Variants in TUBGCP5 observed in about 807,000 individuals in gnomAD.
TUBGCP5 encodes tubulin gamma complex component 5.
Under a neutral mutation model 134.7 loss-of-function variants are expected in TUBGCP5, and 98 were observed. The observed-to-expected ratio is 0.73, with a 90% CI of 0.62 to 0.86. The LOEUF is 0.86. Ranked by LOEUF, TUBGCP5 falls within the 40% of genes least tolerant of loss-of-function variation. TUBGCP5 has a pLI of 0.00. For missense variants in TUBGCP5, 1,150 were observed against 1,244.8 expected, an observed-to-expected ratio of 0.92 and a Z score of 1.15; for synonymous variants, 456 against 431.4, an observed-to-expected ratio of 1.06 and a Z score of -0.71.
chr15:22,990,400 A>G (rs1466735039), intron 23 of TUBGCP5, among the ~76,000 whole-genome samples: 1 of 152,222 alleles, frequency 6.6e-6, no homozygotes, highest in Non-Finnish European at 1.5e-5. Context: ...GCTGGAGCCA[A>G]GAACTGGTCA....
intron 23 of TUBGCP5, among the ~76,000 whole-genome samples, chr15:22,987,858 C>T (rs1474173965): frequency 1.5e-5 from 2 of 134,990 alleles, no homozygotes; most frequent in South Asian, 2.5e-4. Context: ...ATTGCGCCAC[C>T]ACACTCCAGC....
chr15:23,027,162 T>A, intron 7 of TUBGCP5, 30 bp downstream of exon 7: 1 of 1,514,260 alleles, frequency 6.6e-7, no homozygotes, highest in Non-Finnish European at 9.1e-7. Flanking sequence ...TCTTCTATCA[T>A]CACATTAAAT....
chr15:23,004,793 C>A (rs2064607395), intron 19 of TUBGCP5, among the ~76,000 whole-genome samples: 1 of 152,130 alleles, frequency 6.6e-6, no homozygotes, highest in Admixed American at 6.5e-5. Context: ...ATAGCCTTCC[C>A]ATCCAAAACA....
Position 22,999,803 on chromosome 15 carries a change from T to A in TUBGCP5, c.*17A>T, listed in dbSNP as rs746032535. On this transcript the variant is annotated 3_prime_UTR_variant, in exon 23 of 23. Transcript: ENST00000615383. ...GTATGATGACAAAGTCGGAGATATTTATTACGCTGAAGACATTTAACTTTG... is the reference window on the plus strand; with the variant it reads ...GTATGATGACAAAGTCGGAGATATTAATTACGCTGAAGACATTTAACTTTG... 2 of 1,612,080 alleles carry A rather than the reference T, an allele frequency of 1.2e-6. No individual in the cohort carries two copies. Among genetic ancestry groups the A allele is most frequent in the South Asian group, 2.2e-5 (2 of 91,056 alleles).
intron 20 of TUBGCP5, 31 bp downstream of exon 20, chr15:23,004,071 T>C (rs1052856731): frequency 6.9e-6 from 11 of 1,585,840 alleles, no homozygotes; most frequent in East Asian, 4.5e-5. Context: ...CGCCCAGCAG[T>C]GGCCACATCT....
At chr15:23,000,706 T>C (rs1332861353) in intron 21 of TUBGCP5, 37 bp from the exon 22 acceptor site, 4 of 1,525,002 alleles carry the variant, frequency 2.6e-6, no homozygotes, top group East Asian at 2.3e-5. Context: ...AGTAAGTGCA[T>C]TGCGGGTATA....
intron 13 of TUBGCP5, among the ~76,000 whole-genome samples, chr15:23,014,688 C>G (rs1316619954): frequency 6.6e-6 from 1 of 152,086 alleles, no homozygotes; most frequent in Admixed American, 6.5e-5. Flanking sequence ...AGACATGCAC[C>G]CAGGCTAGCA....
At position 23,022,138 on chromosome 15, in the gene TUBGCP5, C is replaced by A; in HGVS notation, c.1192G>T (p.Val398Leu). ...NNDTTITLAIVVDKLAPRLSQ... is the reference protein window; with the variant it reads ...NNDTTITLAILVDKLAPRLSQ... Reference sequence around the variant, plus strand: ...AATCGAGGTGCCAACTTGTCCACCACTATTGCAAGAGTTATTGTAGTATCT... The same window carrying A: ...AATCGAGGTGCCAACTTGTCCACCAATATTGCAAGAGTTATTGTAGTATCT... The change falls in exon 11 of 23, where the codon GTG (valine) becomes TTG (leucine). Residue 398 changes from valine (V) to leucine (L), a missense_variant. By Grantham distance (32) the Val-to-Leu change is conservative (BLOSUM62 1). Coordinates refer to ENST00000615383, the MANE Select transcript of TUBGCP5 (RefSeq NM_052903.6). 1 of 1,614,174 alleles carries A rather than the reference C, an allele frequency of 6.2e-7. No individual in the cohort carries two copies. Among genetic ancestry groups the A allele is most frequent in the Non-Finnish European group, 8.5e-7 (1 of 1,180,008 alleles).
intron 12 of TUBGCP5, among the ~76,000 whole-genome samples, chr15:23,018,514 G>C (rs534503829): frequency 6.6e-6 from 1 of 152,290 alleles, no homozygotes; most frequent in East Asian, 1.9e-4. Context: ...TGACAGATAT[G>C]AGATTGAGTT....
downstream of TUBGCP5, among the ~76,000 whole-genome samples, chr15:22,995,458 T>C (rs954531203): frequency 4.0e-5 from 6 of 151,518 alleles, no homozygotes. Flanking sequence ...TTTAAAGACA[T>C]TGTGTAACCT....
chr15:23,018,902 C>T (rs112445744), intron 12 of TUBGCP5, among the ~76,000 whole-genome samples: 1 of 152,086 alleles, frequency 6.6e-6, no homozygotes, highest in African/African-American at 2.4e-5. Context: ...ATAGCTGAAA[C>T]CATATGATAT....
At position 23,032,021 on chromosome 15, in the gene TUBGCP5, C is replaced by CTTTCT; in HGVS notation, c.410_414dup (p.Asp139ArgfsTer11). 6.2e-7 allele frequency: 1 copy of CTTTCT among 1,610,412 alleles called. No individual in the cohort carries two copies. The highest frequency in any genetic ancestry group is 8.5e-7 in the Non-Finnish European group (1 of 1,177,860). ...AAGTATTTTCCCCAGTCGAAATCAT[C>CTTTCT]TTTCTTTTCTAAAATGTAACAGAAG... On this transcript the variant is annotated frameshift_variant, in exon 5 of 23. Transcript: ENST00000615383. LOFTEE classifies it high-confidence loss of function.
At chr15:22,985,470 G>A (rs1469783017) in intron 23 of TUBGCP5, among the ~76,000 whole-genome samples, 14 of 151,720 alleles carry the variant, frequency 9.2e-5, no homozygotes, top group Admixed American at 7.9e-4. Context: ...CGCCTGCCTC[G>A]GCCTCCCAAA....
chr15:22,989,076 C>T (rs562474045), intron 23 of TUBGCP5, among the ~76,000 whole-genome samples: 16 of 152,138 alleles, frequency 1.1e-4, no homozygotes, highest in Non-Finnish European at 2.2e-4. Context: ...TCCCCTCTTC[C>T]ACCTTTAGGA....
chr15:23,022,026 T>C lies in TUBGCP5; in HGVS notation c.1304A>G (p.His435Arg). 6.2e-7 allele frequency: 1 copy of C among 1,614,128 alleles called. No individual in the cohort carries two copies. The highest frequency in any genetic ancestry group is 8.5e-7 in the Non-Finnish European group (1 of 1,180,028). The change falls in exon 11 of 23, where the codon CAC (histidine) becomes CGC (arginine). Residue 435 changes from histidine to arginine, a missense_variant. Transcript: ENST00000615383. ...GGCCTTGTACAGGGTGTTAAGCAGG[T>C]GAGAGGCCCGGACGACATTTCGAGT... is the stretch of plus-strand genomic sequence containing the variant. ...PDTRNVVRAS[H>R]LLNTLYKAIL...
intron 6 of TUBGCP5, among the ~76,000 whole-genome samples, chr15:23,028,496 A>G (rs976490224): frequency 1.3e-5 from 2 of 152,164 alleles, no homozygotes; most frequent in African/African-American, 4.8e-5. Context: ...CAACATCAGA[A>G]AATCTATCGA....
chr15:23,014,430 A>C (rs911256094), intron 13 of TUBGCP5, among the ~76,000 whole-genome samples: 4 of 152,238 alleles, frequency 2.6e-5, no homozygotes, highest in African/African-American at 9.6e-5. Context: ...CCTGCCAAAC[A>C]GCCCTGTGGT....
chr15:22,993,542 T>C (rs1050956365), intron 23 of TUBGCP5, among the ~76,000 whole-genome samples: 52 of 137,544 alleles, frequency 3.8e-4, no homozygotes, highest in African/African-American at 1.3e-3. Context: ...TTTTTTTTTT[T>C]TTTTTTTTTT....
rs565802045 is a variant in TUBGCP5, at chr15:23,038,467, T to C, written c.146+931A>G. On this transcript the variant is annotated intron_variant, in intron 1 of 22. Coordinates refer to ENST00000615383, the MANE Select transcript of TUBGCP5 (RefSeq NM_052903.6). ...TGTATAACCTATTTCACACATTGTT[T>C]ATTTTTATAAGTTACACTTAAGAAT... is the stretch of plus-strand genomic sequence containing the variant. 7.2e-5 allele frequency among the ~76,000 whole-genome samples: 11 copies of C among 151,740 alleles called. No homozygotes were observed. In the East Asian group the frequency reaches 1.2e-3, roughly 16 times the overall value.
Sources: gnomAD v4.1 joint callset for allele counts (sites outside exome capture counted in the v4.1 genomes callset) on GRCh38, gnomAD v4.1.1 for gene constraint, MANE v1.5 for transcripts, NCBI Gene and HGNC (gene_info 2026-07-23, HGNC 2026-07-21) for gene names.